OPHN1: variants seen among roughly 807,000 people sequenced by gnomAD.
The protein encoded by OPHN1 is oligophrenin 1.
A neutral mutation model predicts 60.7 loss-of-function variants in OPHN1; 11 were observed. The ratio of observed to expected loss-of-function variants is 0.18; its 90% confidence interval spans 0.11 to 0.30. The LOEUF is 0.30. Among genes scored for constraint, OPHN1 ranks in the 10% least tolerant of loss-of-function variants. The probability of loss-of-function intolerance (pLI) is 1.00; values close to 1 mark genes in which losing one functional copy is unlikely to be tolerated. For missense variants in OPHN1, 449 were observed against 611.0 expected (o/e 0.73, Z 2.80); for synonymous variants, 226 against 222.6 (o/e 1.02, Z -0.14).
chrX:68,062,999 G>T (rs1001328937), intron 21 of OPHN1, among the ~76,000 whole-genome samples: 2 of 111,498 alleles, frequency 1.8e-5, no homozygotes, highest in African/African-American at 6.5e-5. Context: ...AAACTGGAAA[G>T]GGAGAATGAG....
chrX:68,318,043 T>C (rs1276738189), intron 2 of OPHN1, among the ~76,000 whole-genome samples: 1 of 112,133 alleles, frequency 8.9e-6, no homozygotes, highest in Admixed American at 9.5e-5. Context: ...TGCCACAAAA[T>C]TCCTAGAACT....
At chrX:68,267,337 C>T (rs2077936182) in intron 5 of OPHN1, among the ~76,000 whole-genome samples, 1 of 111,914 alleles carries the variant, frequency 8.9e-6, no homozygotes, top group Non-Finnish European at 1.9e-5. Flanking sequence ...TCTCTCAGAC[C>T]ACAGTGCAAT....
chrX:68,354,954 A>G (rs912789381), intron 2 of OPHN1, among the ~76,000 whole-genome samples: 1 of 111,331 alleles, frequency 9.0e-6, no homozygotes, highest in Non-Finnish European at 1.9e-5. Flanking sequence ...TGGGGCCTGG[A>G]ATGGACATCC....
At chrX:68,217,379 C>T (rs2077617961) in intron 6 of OPHN1, among the ~76,000 whole-genome samples, 1 of 111,660 alleles carries the variant, frequency 9.0e-6, no homozygotes, top group Admixed American at 9.5e-5. Context: ...CCCAGGCTTG[C>T]ATAGGTAAAC....
chrX:68,395,010 C>T (rs1198162084), intron 2 of OPHN1, among the ~76,000 whole-genome samples: 6 of 110,070 alleles, frequency 5.5e-5, no homozygotes, highest in Non-Finnish European at 1.1e-4. Context: ...GGCTGGAGTA[C>T]AGTGGCGTGA....
intron 9 of OPHN1, among the ~76,000 whole-genome samples, chrX:68,208,051 CCTTT>C (rs1181148298): frequency 8.4e-5 from 9 of 107,090 alleles, no homozygotes; most frequent in Non-Finnish European, 1.2e-4. Context: ...CTTTTTCTTT[CCTTT>C]CTTTCTTTTC....
intron 7 of OPHN1, 115 bp from the exon 8 acceptor site, chrX:68,212,327 C>T (rs1204803882): frequency 3.2e-5 from 17 of 526,673 alleles, no homozygotes; most frequent in Non-Finnish European, 5.5e-5. Flanking sequence ...TGGCTTATGC[C>T]TGTAATCCCT....
At chrX:68,270,652 T>C (rs1181593045) in intron 5 of OPHN1, among the ~76,000 whole-genome samples, 1 of 106,599 alleles carries the variant, frequency 9.4e-6, no homozygotes, top group Non-Finnish European at 1.9e-5. Flanking sequence ...GACGAGTTAA[T>C]GGGTGCAGCA....
chrX:68,153,198 G>C (rs1184988012), intron 15 of OPHN1, among the ~76,000 whole-genome samples: 1 of 93,232 alleles, frequency 1.1e-5, no homozygotes, highest in African/African-American at 4.4e-5. Flanking sequence ...GTGACAGAGC[G>C]AGACTCCATG....
In OPHN1 at chrX:68,403,682, C is replaced by G. The variant is rs137931494; in HGVS notation, c.154+29185G>C. Among the ~76,000 whole-genome samples, 3 of 110,329 alleles carry G rather than the reference C, an allele frequency of 2.7e-5. No individual in the cohort carries two copies. The East Asian group carries it at 8.6e-4, about 32-fold the overall frequency. On this transcript the variant is annotated intron_variant, in intron 2 of 24. Coordinates refer to ENST00000355520, the MANE Select transcript of OPHN1 (RefSeq NM_002547.3). The stretch of plus-strand genomic sequence containing the variant: ...ATAGACCTACTGCTGTAGAGACTCA[C>G]AGAGCCGTGCCAATTGGCTGCTTCC...
At chrX:68,217,103 T>C (rs1345093399) in intron 6 of OPHN1, among the ~76,000 whole-genome samples, 1 of 111,736 alleles carries the variant, frequency 8.9e-6, no homozygotes, top group Non-Finnish European at 1.9e-5. Flanking sequence ...GGGCGAGACA[T>C]TGCCTCACTT....
intron 2 of OPHN1, among the ~76,000 whole-genome samples, chrX:68,391,788 T>C (rs759659977): frequency 1.8e-5 from 2 of 111,035 alleles, no homozygotes; most frequent in East Asian, 5.7e-4. Flanking sequence ...GAAGCAGAGA[T>C]TGGAGCAATG....
At chrX:68,342,722 G>A (rs1454953601) in intron 2 of OPHN1, among the ~76,000 whole-genome samples, 2 of 110,866 alleles carry the variant, frequency 1.8e-5, no homozygotes, top group Non-Finnish European at 3.8e-5. Flanking sequence ...TGGGAGGGTC[G>A]CTTGAACCCA....
intron 2 of OPHN1, among the ~76,000 whole-genome samples, chrX:68,330,422 GA>G (rs1188816310): frequency 9.0e-6 from 1 of 111,614 alleles, no homozygotes; most frequent in East Asian, 2.8e-4. Context: ...CCACATTTGT[GA>G]AAAGGATTTT....
At chrX:68,339,866 G>A (rs2078342886) in intron 2 of OPHN1, among the ~76,000 whole-genome samples, 1 of 111,717 alleles carries the variant, frequency 9.0e-6, no homozygotes, top group South Asian at 3.7e-4. Context: ...GCCTCCCAAA[G>A]TACTGGAATT....
intron 2 of OPHN1, among the ~76,000 whole-genome samples, chrX:68,352,833 G>A (rs1038240711): frequency 8.9e-6 from 1 of 112,109 alleles, no homozygotes; most frequent in African/African-American, 3.2e-5. Context: ...GTCATCCACA[G>A]AGGGAAAGAA....
intron 15 of OPHN1, among the ~76,000 whole-genome samples, chrX:68,189,848 T>A (rs2077480291): frequency 9.0e-6 from 1 of 111,388 alleles, no homozygotes. Flanking sequence ...AGAAAAGGCT[T>A]TAGTAAACGA....
At chrX:68,081,847 C>CA (rs1335422671) in intron 19 of OPHN1, among the ~76,000 whole-genome samples, 249 of 110,265 alleles carry the variant, frequency 2.3e-3, no homozygotes, top group Middle Eastern at 4.7e-3. Context: ...CTTCCTTTCA[C>CA]AAAAAAAAAT....
intron 15 of OPHN1, among the ~76,000 whole-genome samples, chrX:68,170,620 T>C (rs1020886814): frequency 1.8e-5 from 2 of 110,350 alleles, no homozygotes; most frequent in African/African-American, 6.6e-5. Flanking sequence ...TGTGAGTTCA[T>C]GTCCTTTGTA....
Sources: allele counts gnomAD v4.1 joint callset (sites outside exome capture counted in the v4.1 genomes callset), GRCh38; gene constraint gnomAD v4.1.1; transcripts MANE v1.5; gene names NCBI Gene and HGNC (gene_info 2026-07-23, HGNC 2026-07-21).